Variants in CPLX2 observed in about 807,000 individuals in gnomAD.
CPLX2 encodes the protein complexin-2.
CPLX2 carries 5 observed loss-of-function variants against 16.3 expected under a neutral mutation model. The ratio of observed to expected loss-of-function variants is 0.31; its 90% CI spans 0.16 to 0.64. The LOEUF is 0.64. CPLX2 is among the 30% of genes least tolerant of loss of function. The pLI is 0.79. For synonymous variants in CPLX2, 89 were observed against 73.2 expected, an observed-to-expected ratio of 1.22 and a Z score of -1.10; for missense variants, 144 against 181.4, an observed-to-expected ratio of 0.79 and a Z score of 1.18.
At position 175,830,470 on chromosome 5, in the gene CPLX2, G is replaced by A. The variant is rs1479585998; in HGVS notation, c.-89+21402G>A. Among the ~76,000 whole-genome samples the A allele has an allele frequency of 2.6e-5, 4 of 152,132 alleles. No individual in the cohort carries two copies. Among genetic ancestry groups the A allele is most frequent in the African/African-American group, 4.8e-5 (2 of 41,428 alleles). ...ATGCCCCCACAGAGGAGAGTGAAGC[G>A]AGGCAGCCCTCCTTTAGGAGGGGGA... On this transcript the variant is annotated intron_variant, in intron 2 of 4. Transcript: ENST00000359546. The surrounding 1 kb of genome is among the most constrained non-coding windows in gnomAD (Gnocchi z 4.0).
At position 175,883,174 on chromosome 5, in the gene CPLX2, C is replaced by G. The variant is rs1755662863; in HGVS notation, c.*3129C>G. On this transcript the variant is annotated 3_prime_UTR_variant, in exon 4 of 4. Coordinates refer to ENST00000393745, the MANE Select transcript of CPLX2 (RefSeq NM_001008220.2). ...ACCAGGTGAGGTGAGCGTGTGTGCTCTCAGGGAAGGGCCCAGGATCCCATG... is the reference window on the plus strand; with the variant it reads ...ACCAGGTGAGGTGAGCGTGTGTGCTGTCAGGGAAGGGCCCAGGATCCCATG... 1 of 152,264 alleles carries G rather than the reference C, an allele frequency of 6.6e-6. No homozygotes were observed. Among genetic ancestry groups the G allele is most frequent in the Non-Finnish European group, 1.5e-5 (1 of 68,080 alleles). The allele number at this position is 152,264 out of a possible 1,614,324, so 9.4% of individuals were successfully genotyped here.
intron 2 of CPLX2, among the ~76,000 whole-genome samples, chr5:175,844,798 G>A (rs987781213): frequency 2.6e-5 from 4 of 152,256 alleles, no homozygotes; most frequent in African/African-American, 7.2e-5. Flanking sequence ...TTTGCAGGGG[G>A]AGGAAGGGAC....
At chr5:175,866,101 C>G (rs1759471397) in intron 2 of CPLX2, among the ~76,000 whole-genome samples, 1 of 152,166 alleles carries the variant, frequency 6.6e-6, no homozygotes, top group Non-Finnish European at 1.5e-5. Context: ...GGAAAAGGGA[C>G]CAAGCGTCCT....
Position 175,849,192 on chromosome 5 carries a change from C to G in CPLX2, c.-88-29460C>G, listed in dbSNP as rs1252570727. Among the ~76,000 whole-genome samples, 3 of 152,180 alleles carry G rather than the reference C, an allele frequency of 2.0e-5. No homozygotes were observed. The highest frequency in any genetic ancestry group is 4.1e-4 in the South Asian group (2 of 4,834). ...GATGTCCACACTTCACAGGTGGAAA[C>G]AGAGCACAAAACAGTCAGTTTGCTT... is the stretch of plus-strand genomic sequence containing the variant. On this transcript the variant is annotated intron_variant, in intron 2 of 4. Transcript: ENST00000359546. The surrounding 1 kb of genome is among the most constrained non-coding windows in gnomAD (Gnocchi z 4.4).
Position 175,880,303 on chromosome 5 carries a change from A to G in CPLX2, c.*258A>G. Reference sequence around the variant, plus strand: ...CCAGCAGGGGTCAGGGGGGCCCCTCAGGAAGCCTAAGGTCGTGCTAGTGTG... The same window carrying G: ...CCAGCAGGGGTCAGGGGGGCCCCTCGGGAAGCCTAAGGTCGTGCTAGTGTG... On this transcript the variant is annotated 3_prime_UTR_variant, in exon 4 of 4. Transcript: ENST00000393745. 1.8e-6 allele frequency: 1 copy of G among 545,536 alleles called. No individual in the cohort carries two copies. The highest frequency in any genetic ancestry group is 1.9e-5 in the South Asian group (1 of 52,724). 33.8% of individuals were successfully genotyped at this position (545,536 alleles called of 1,614,324 possible). A position where few individuals can be genotyped will look rare whatever the true frequency, so the allele number is the denominator to read the frequency against.
intron 2 of CPLX2, among the ~76,000 whole-genome samples, chr5:175,857,929 T>A (rs541890368): frequency 2.9e-4 from 44 of 152,336 alleles, no homozygotes; most frequent in Middle Eastern, 3.4e-3. Flanking sequence ...ATGGGCATGA[T>A]GGTTGATTCC....
rs1268605649 is a variant in CPLX2 at position 175,845,207 on chromosome 5, A to C, written c.-88-33445A>C. Among the ~76,000 whole-genome samples the C allele has an allele frequency of 2.0e-5, 3 of 152,220 alleles. No individual in the cohort carries two copies. Among genetic ancestry groups the C allele is most frequent in the Non-Finnish European group, 4.4e-5 (3 of 68,042 alleles). On this transcript the variant is annotated intron_variant, in intron 2 of 4. Transcript: ENST00000359546. This position sits in a 1 kb window ranked among gnomAD's most constrained non-coding sequence, Gnocchi z 4.0. The stretch of plus-strand genomic sequence containing the variant: ...CAACAGCAGACACCTTTTCCAAACC[A>C]GAAAGCTCCTTAAAAGGGAATCACA...
At chr5:175,827,553 G>A (rs1391022291) in intron 2 of CPLX2, among the ~76,000 whole-genome samples, 4 of 152,214 alleles carry the variant, frequency 2.6e-5, no homozygotes, top group Middle Eastern at 3.4e-3. Context: ...TCAGGAGTTC[G>A]AGACCAGCCT....
In CPLX2 at chr5:175,872,263, C is replaced by G. The variant is rs2113706242; in HGVS notation, c.-89+558C>G. Reference sequence around the variant, plus strand: ...CAGGTGGAGGGGAGGAGAACGTAGACATTGACAGGGGATGGGGGACCAAGG... The same window carrying G: ...CAGGTGGAGGGGAGGAGAACGTAGAGATTGACAGGGGATGGGGGACCAAGG... On this transcript the variant is annotated intron_variant, in intron 1 of 3. Transcript: ENST00000393745. The surrounding 1 kb of genome is among the most constrained non-coding windows in gnomAD (Gnocchi z 5.0). 1 of 152,658 alleles carries G rather than the reference C, an allele frequency of 6.6e-6. No individual in the cohort carries two copies. Among genetic ancestry groups the G allele is most frequent in the African/African-American group, 2.4e-5 (1 of 41,564 alleles). 9.5% of individuals were successfully genotyped at this position (152,658 alleles called of 1,614,324 possible).
intron 2 of CPLX2, among the ~76,000 whole-genome samples, chr5:175,854,783 C>T (rs1393939551): frequency 1.3e-5 from 2 of 152,140 alleles, no homozygotes; most frequent in African/African-American, 2.4e-5. Context: ...CAGAGTGATA[C>T]AACACTGCAG....
intron 2 of CPLX2, among the ~76,000 whole-genome samples, chr5:175,828,548 T>C (rs1758666975): frequency 6.6e-6 from 1 of 152,130 alleles, no homozygotes; most frequent in South Asian, 2.1e-4. Flanking sequence ...AAACAGGGAC[T>C]CTTAGGTGGA....
chr5:175,871,454 A>AGAGAGAGAGAGAGAGAGAGAGAGAGAGG (rs1759605688), upstream of CPLX2: 1 of 135,464 alleles, frequency 7.4e-6, no homozygotes, highest in Non-Finnish European at 1.6e-5. Context: ...AGAGAGAGAG[A>AGAGAGAGAGAGAGAGAGAGAGAGAGAGG]GAGAGAGAGA....
intron 2 of CPLX2, among the ~76,000 whole-genome samples, chr5:175,846,221 C>T (rs11748789): frequency 2.0e-5 from 3 of 152,148 alleles, no homozygotes; most frequent in Admixed American, 1.3e-4. Flanking sequence ...TGGTCTGTGA[C>T]TCCACAGGAC....
intron 2 of CPLX2, among the ~76,000 whole-genome samples, chr5:175,813,392 T>C (rs778382978): frequency 6.6e-6 from 1 of 152,238 alleles, no homozygotes. Context: ...TAAACACCAA[T>C]CACAGTGTCT....
chr5:175,811,112 A>C (rs1451517377), intron 2 of CPLX2, among the ~76,000 whole-genome samples: 1 of 152,244 alleles, frequency 6.6e-6, no homozygotes, highest in East Asian at 1.9e-4. Flanking sequence ...TGGATGGCAC[A>C]TAGTAAGTGC....
At chr5:175,852,238 C>CAA (rs1759171218) in intron 2 of CPLX2, among the ~76,000 whole-genome samples, 2 of 152,060 alleles carry the variant, frequency 1.3e-5, no homozygotes, top group Non-Finnish European at 2.9e-5. Flanking sequence ...GAATACGAAA[C>CAA]TTTACCAATG....
intron 2 of CPLX2, among the ~76,000 whole-genome samples, chr5:175,826,185 A>T (rs1279445236): frequency 2.0e-5 from 3 of 152,066 alleles, no homozygotes; most frequent in African/African-American, 7.2e-5. Context: ...CTGAGTGGGT[A>T]GGATAGTATG....
intron 2 of CPLX2, among the ~76,000 whole-genome samples, chr5:175,819,540 T>C (rs753721646): frequency 6.6e-6 from 1 of 152,200 alleles, no homozygotes; most frequent in African/African-American, 2.4e-5. Context: ...GACATCCTCT[T>C]TCCCAAAGTG....
chr5:175,834,860 C>T lies in CPLX2; in HGVS notation c.-89+25792C>T, dbSNP rs531602624. Among the ~76,000 whole-genome samples, 16 of 152,226 alleles carry T rather than the reference C, an allele frequency of 1.1e-4. No homozygotes were observed. The South Asian group carries it at 2.9e-3, about 28-fold the overall frequency. On this transcript the variant is annotated intron_variant, in intron 2 of 4. Coordinates refer to the CPLX2 transcript ENST00000359546. ...CTGCACTCCAGCCTGGGCGACAGAG[C>T]GAGATCCTGTCTCAAAAACAAACAA...
Sources: allele counts gnomAD v4.1 joint callset (sites outside exome capture counted in the v4.1 genomes callset), GRCh38; gene constraint gnomAD v4.1.1; non-coding constraint Gnocchi (gnomAD v3.1); transcripts MANE v1.5; gene names NCBI Gene and HGNC (gene_info 2026-07-23, HGNC 2026-07-21).